The following AIFM3 variants were observed in gnomAD, a reference collection of about 807,000 sequenced individuals.
AIFM3 encodes AIF family member 3.
In AIFM3, 71 loss-of-function variants were observed where a neutral mutation model predicts 82.7. The observed-to-expected ratio is 0.86, with a 90% confidence interval of 0.71 to 1.05. The LOEUF (loss-of-function observed/expected upper bound fraction) is 1.05, where lower values mean the gene tolerates loss of function less well. AIFM3 is among the 50% of genes least tolerant of loss of function. The pLI is 0.00. For synonymous variants in AIFM3, 337 were observed against 329.1 expected, an observed-to-expected ratio of 1.02 and a Z score of -0.26; for missense variants, 748 against 816.7, an observed-to-expected ratio of 0.92 and a Z score of 1.03.
At chr22:20,970,591 G>C (rs1301625247) in intron 2 of AIFM3, among the ~76,000 whole-genome samples, 1 of 152,178 alleles carries the variant, frequency 6.6e-6, no homozygotes, top group African/African-American at 2.4e-5. Flanking sequence ...CTCCCAAGTA[G>C]CTGGGATTAT....
rs772537593 is a variant in AIFM3, at chr22:20,977,756, G to T, written c.1339G>T (p.Gly447Cys). 6.2e-7 allele frequency: 1 copy of T among 1,614,062 alleles called. No homozygotes were observed. The highest frequency in any genetic ancestry group is 2.2e-5 in the East Asian group (1 of 44,900). Reference protein sequence around the residue: ...RQSGIGLDSRGFIPVNKMMQT... With the variant: ...RQSGIGLDSRCFIPVNKMMQT... The stretch of plus-strand genomic sequence containing the variant: ...AAGCGGCATCGGTTTGGATTCCCGA[G>T]GCTTCATCCCTGTCAACAAGGTGGG... The change falls in exon 15 of 21, where the codon GGC becomes TGC. Residue 447 changes from glycine (G) to cysteine (C), a missense_variant. Gly to Cys is a radical substitution (Grantham distance 159). Transcript: ENST00000440238.
In AIFM3 at chr22:20,977,708, C is replaced by A. The variant is rs776597853; in HGVS notation, c.1291C>A (p.Pro431Thr). The change falls in exon 15 of 21, where the codon CCC becomes ACC. Residue 431 changes from proline to threonine, a missense_variant. Physicochemically the swap from Pro to Thr is conservative, Grantham distance 38. Transcript: ENST00000440238. Reference protein sequence around the residue: ...DVCVVGIGAVPATGFLRQSGI... With the variant: ...DVCVVGIGAVTATGFLRQSGI... The stretch of plus-strand genomic sequence containing the variant: ...GGCTTCCGTCCTGTCAGGTGCAGTG[C>A]CCGCCACAGGCTTCCTGAGGCAAAG... The A allele has an allele frequency of 9.3e-6, 15 of 1,613,996 alleles. No homozygotes were observed. Among genetic ancestry groups the A allele is most frequent in the Non-Finnish European group, 1.3e-5 (15 of 1,180,020 alleles).
intron 18 of AIFM3, 105 bp from the exon 19 acceptor site, chr22:20,979,915 G>A: frequency 2.2e-5 from 27 of 1,205,536 alleles, no homozygotes; most frequent in Non-Finnish European, 3.2e-5. Context: ...TTGTTGCCCT[G>A]GGGTAGGTCC....
intron 2 of AIFM3, among the ~76,000 whole-genome samples, chr22:20,972,812 A>C (rs1421762747): frequency 1.3e-5 from 2 of 152,152 alleles, no homozygotes; most frequent in East Asian, 3.9e-4. Context: ...TGGGAGGCTG[A>C]GGCGGGCAGA....
chr22:20,973,245 C>T (rs1216971682), intron 2 of AIFM3, 62 bp from the exon 3 acceptor site: 4 of 1,540,074 alleles, frequency 2.6e-6, no homozygotes, highest in Non-Finnish European at 3.5e-6. Context: ...CTGCACCCAG[C>T]TTGAGGGATG....
At position 20,979,269 on chromosome 22, in the gene AIFM3, AG is replaced by A. The variant is rs1923904584; in HGVS notation, c.1479del. 1 of 1,554,072 alleles carries A rather than the reference AG, an allele frequency of 6.4e-7. No homozygotes were observed. The highest frequency in any genetic ancestry group is 8.7e-7 in the Non-Finnish European group (1 of 1,148,402). On this transcript the variant is annotated splice_acceptor_variant, in intron 16 of 20. Transcript: ENST00000440238. LOFTEE classifies it high-confidence loss of function. ...GGGTTCTCACGGCCCTGGGTCCCGC[AG>A]GGCGCGTGGCAGCCCAGAACATGTT...
rs1182102368 is a variant in AIFM3, at chr22:20,977,744, T to C, written c.1327T>C (p.Leu443=). 1 of 1,614,114 alleles carries C rather than the reference T, an allele frequency of 6.2e-7. No individual in the cohort carries two copies. The highest frequency in any genetic ancestry group is 2.2e-5 in the East Asian group (1 of 44,880). Residue 443 remains leucine (L), a synonymous_variant, in exon 15 of 21, where the codon TTG becomes CTG. Coordinates refer to ENST00000440238, the MANE Select transcript of AIFM3 (RefSeq NM_001386814.1). The part of the protein sequence containing the change: ...TGFLRQSGIG[L]DSRGFIPVNK... ...CTTCCTGAGGCAAAGCGGCATCGGT[T>C]TGGATTCCCGAGGCTTCATCCCTGT...
At chr22:20,971,762 T>TGCA (rs1356356464) in intron 2 of AIFM3, among the ~76,000 whole-genome samples, 2 of 152,244 alleles carry the variant, frequency 1.3e-5, no homozygotes, top group African/African-American at 4.8e-5. Context: ...GCTTCCTCCC[T>TGCA]GCAGCAGCAG....
intron 2 of AIFM3, among the ~76,000 whole-genome samples, chr22:20,971,882 A>T (rs1385687218): frequency 2.0e-5 from 3 of 152,118 alleles, no homozygotes; most frequent in Non-Finnish European, 4.4e-5. Context: ...AAAAGTATAA[A>T]GAAGAAAATG....
intron 18 of AIFM3, 94 bp downstream of exon 18, chr22:20,979,796 G>A (rs1569151268): frequency 4.0e-6 from 6 of 1,494,788 alleles, no homozygotes; most frequent in Admixed American, 1.7e-5. Context: ...CAAGAGCCCA[G>A]CCCTGAGCCC....
In AIFM3 at chr22:20,980,284, G is replaced by C. The variant is rs1322122324; in HGVS notation, c.1757+160G>C. The C allele has an allele frequency of 4.6e-6, 3 of 657,866 alleles. No homozygotes were observed. In the East Asian group the frequency reaches 8.2e-5, roughly 18 times the overall value. The allele number at this position is 657,866 out of a possible 1,614,324, so 40.8% of individuals were successfully genotyped here. On this transcript the variant is annotated intron_variant, in intron 19 of 20. Transcript: ENST00000440238. The stretch of plus-strand genomic sequence containing the variant: ...GGACTACAGGGAGGTGTGGGGCAAG[G>C]ATCATGGTTTGAGAGCAGGCTGGTT...
intron 2 of AIFM3, among the ~76,000 whole-genome samples, chr22:20,968,288 T>C (rs1295050273): frequency 6.6e-6 from 1 of 152,144 alleles, no homozygotes; most frequent in Non-Finnish European, 1.5e-5. Flanking sequence ...GGGAAGGGGC[T>C]ATGCCCCCAG....
rs67631428 is a variant in AIFM3 at position 20,979,387 on chromosome 22, GA to G, written c.1576+19del. On this transcript the variant is annotated intron_variant, in intron 17 of 20. Coordinates refer to ENST00000440238, the MANE Select transcript of AIFM3 (RefSeq NM_001386814.1). ...CTACGCGGGTAACCCCGGGGCCTCGGATGGGGGCGGGGCCGAGGGCGTTTAG... is the reference window on the plus strand; with the variant it reads ...CTACGCGGGTAACCCCGGGGCCTCGGTGGGGGCGGGGCCGAGGGCGTTTAG... 79,909 of 1,487,532 alleles carry G rather than the reference GA, an allele frequency of 0.054. 2,380 individuals carry two copies. The highest frequency in any genetic ancestry group is 0.1 in the African/African-American group (7,125 of 71,458). The allele number at this position is 1,487,532 out of a possible 1,614,324, so 92.1% of individuals were successfully genotyped here. A position where few individuals can be genotyped will look rare whatever the true frequency, so the allele number is the denominator to read the frequency against.
intron 2 of AIFM3, among the ~76,000 whole-genome samples, chr22:20,968,438 T>A (rs553320980): frequency 6.6e-6 from 1 of 152,040 alleles, no homozygotes; most frequent in Non-Finnish European, 1.5e-5. Flanking sequence ...GCTGTGAGGG[T>A]GTAGTGGGCA....
chr22:20,978,840 C>T (rs890802440), intron 16 of AIFM3, among the ~76,000 whole-genome samples: 2 of 152,090 alleles, frequency 1.3e-5, no homozygotes, highest in Admixed American at 6.6e-5. Context: ...ACTGGGGCCT[C>T]ATAGGAACTG....
Position 20,976,855 on chromosome 22 carries a change from T to C in AIFM3, c.1147-12T>C, listed in dbSNP as rs1318798359. 6.3e-7 allele frequency: 1 copy of C among 1,596,806 alleles called. No individual in the cohort carries two copies. The highest frequency in any genetic ancestry group is 2.2e-5 in the East Asian group (1 of 44,684). On this transcript the variant is annotated splice_polypyrimidine_tract_variant and intron_variant, in intron 12 of 20. Coordinates refer to ENST00000440238, the MANE Select transcript of AIFM3 (RefSeq NM_001386814.1). ...TCTCATCCACCGCCCACCTGCCCAC[T>C]TGCCCTGACAGATGTTTGAGAACAA...
rs1325991789 is a variant in AIFM3 at position 20,967,269 on chromosome 22, C to G, written c.-175C>G. On this transcript the variant is annotated 5_prime_UTR_variant, in exon 1 of 21. Coordinates refer to ENST00000440238, the MANE Select transcript of AIFM3 (RefSeq NM_001386814.1). ...CCGGCAGCCTCAGTCCACTGCTGGG[C>G]CTGGAACACGGAGCAGTGGCTGCCC... The G allele has an allele frequency of 6.6e-6, 1 of 152,344 alleles. No homozygotes were observed. The highest frequency in any genetic ancestry group is 1.5e-5 in the Non-Finnish European group (1 of 68,174). 9.4% of individuals were successfully genotyped at this position (152,344 alleles called of 1,614,324 possible).
chr22:20,973,522 T>G lies in AIFM3; in HGVS notation c.245+2T>G. 3 of 1,606,720 alleles carry G rather than the reference T, an allele frequency of 1.9e-6. No individual in the cohort carries two copies. The highest frequency in any genetic ancestry group is 1.4e-5 in the African/African-American group (1 of 73,870). On this transcript the variant is annotated splice_donor_variant, in intron 3 of 20. Coordinates refer to ENST00000440238, the MANE Select transcript of AIFM3 (RefSeq NM_001386814.1). LOFTEE classifies it high-confidence loss of function. ...CGTCAAGGACCTCGAGAATGGCCAG[T>G]GGGTTCTGGGCTTGCCTGGGAGCGG...
rs773270673 is a variant in AIFM3 at position 20,977,868 on chromosome 22, T to C, written c.1360-20T>C. 3 of 1,613,998 alleles carry C rather than the reference T, an allele frequency of 1.9e-6. No individual in the cohort carries two copies. The highest frequency in any genetic ancestry group is 1.3e-5 in the African/African-American group (1 of 75,018). Reference sequence around the variant, plus strand: ...AGGGCCCCTGTCACACCCATGGAGCTCTGGGCCCTCTCTCTACAGATGATG... The same window carrying C: ...AGGGCCCCTGTCACACCCATGGAGCCCTGGGCCCTCTCTCTACAGATGATG... On this transcript the variant is annotated intron_variant, in intron 15 of 20. Coordinates refer to ENST00000440238, the MANE Select transcript of AIFM3 (RefSeq NM_001386814.1).
Sources: allele counts gnomAD v4.1 joint callset (sites outside exome capture counted in the v4.1 genomes callset), GRCh38; gene constraint gnomAD v4.1.1; transcripts MANE v1.5; gene names NCBI Gene and HGNC (gene_info 2026-07-23, HGNC 2026-07-21).